TRAPPC13: variants seen among roughly 807,000 people sequenced by gnomAD.
The protein encoded by TRAPPC13 is REV7-interacting novel NHEJ regulator 1.
In TRAPPC13, 39 loss-of-function variants were observed where a neutral mutation model predicts 54.0. The ratio of observed to expected loss-of-function variants is 0.72; its 90% confidence interval spans 0.56 to 0.94. The LOEUF (loss-of-function observed/expected upper bound fraction) is 0.94. TRAPPC13 is among the 40% of genes least tolerant of loss of function. The probability of loss-of-function intolerance (pLI) is 0.00; values close to 1 mark genes in which losing one functional copy is unlikely to be tolerated. For missense variants in TRAPPC13, 386 were observed against 488.1 expected, an observed-to-expected ratio of 0.79 and a Z score of 1.97; for synonymous variants, 148 against 167.7, an observed-to-expected ratio of 0.88 and a Z score of 0.91.
At chr5:65,636,877 A>G (rs1755768241) in intron 3 of TRAPPC13, among the ~76,000 whole-genome samples, 1 of 152,236 alleles carries the variant, frequency 6.6e-6, no homozygotes, top group African/African-American at 2.4e-5. Context: ...GAATGTGGTC[A>G]TTGACTAGTG....
rs1203060590 is a variant in TRAPPC13, at chr5:65,666,032, G to A, written c.*1421G>A. The A allele has an allele frequency of 1.3e-5, 2 of 152,634 alleles. No individual in the cohort carries two copies. The highest frequency in any genetic ancestry group is 3.4e-3 in the Middle Eastern group (1 of 292). The allele number at this position is 152,634 out of a possible 1,614,324, so 9.5% of individuals were successfully genotyped here. ...ACCTCAAAATTGAGTAATAATTAAT[G>A]AAATGTCTGTACAAAATAAAGTGCA... is the stretch of plus-strand genomic sequence containing the variant. On this transcript the variant is annotated 3_prime_UTR_variant, in exon 13 of 13. Coordinates refer to ENST00000399438, the MANE Select transcript of TRAPPC13 (RefSeq NM_024941.4).
intron 4 of TRAPPC13, among the ~76,000 whole-genome samples, chr5:65,642,693 T>C (rs1756013977): frequency 6.6e-6 from 1 of 152,154 alleles, no homozygotes; most frequent in Admixed American, 6.5e-5. Flanking sequence ...TTTTAAGAGG[T>C]GAGGTTTCAC....
Position 65,664,768 on chromosome 5 carries a change from CTGA to C in TRAPPC13, c.*159_*161del. The C allele has an allele frequency of 1.6e-6, 1 of 619,426 alleles. No homozygotes were observed. Among genetic ancestry groups the C allele is most frequent in the Non-Finnish European group, 2.8e-6 (1 of 353,750 alleles). The allele number at this position is 619,426 out of a possible 1,614,324, so 38.4% of individuals were successfully genotyped here. On this transcript the variant is annotated 3_prime_UTR_variant, in exon 13 of 13. Transcript: ENST00000399438. Reference sequence around the variant, plus strand: ...TATTAAATATTTGTTTTGAAGAGATCTGATTTTATCTTGTAATTTATATTTGAA... The same window carrying C: ...TATTAAATATTTGTTTTGAAGAGATCTTTTATCTTGTAATTTATATTTGAA...
chr5:65,625,626 T>G (rs1294932813), intron 1 of TRAPPC13: 1 of 152,600 alleles, frequency 6.6e-6, no homozygotes, highest in African/African-American at 2.4e-5. Flanking sequence ...GTCCGAGATC[T>G]AATGTCAACT....
intron 4 of TRAPPC13, among the ~76,000 whole-genome samples, chr5:65,643,335 T>A (rs1756041506): frequency 1.3e-5 from 2 of 152,128 alleles, no homozygotes; most frequent in South Asian, 4.1e-4. Flanking sequence ...TGTTTTATTA[T>A]TGGCTGTAAA....
intron 1 of TRAPPC13, 97 bp downstream of exon 1, chr5:65,625,203 CAG>C: frequency 9.8e-7 from 1 of 1,020,976 alleles, no homozygotes; most frequent in South Asian, 1.3e-5. Context: ...CTTAAACACT[CAG>C]TGCTCGCCCT....
intron 1 of TRAPPC13, chr5:65,630,507 T>C (rs1755496192): frequency 7.5e-7 from 1 of 1,334,104 alleles, no homozygotes; most frequent in Non-Finnish European, 9.5e-7. Flanking sequence ...CAGCCTTCTT[T>C]TAAATGTGAT....
chr5:65,655,715 CTAAT>C (rs1235349920), intron 8 of TRAPPC13, 62 bp downstream of exon 8: 1 of 600,652 alleles, frequency 1.7e-6, no homozygotes, highest in Non-Finnish European at 2.5e-6. Flanking sequence ...TTGACTCTGC[CTAAT>C]TAATCTCTCT....
At position 65,625,506 on chromosome 5, in the gene TRAPPC13, C is replaced by A. The variant is rs146165388; in HGVS notation, c.46+400C>A. 3.3e-3 allele frequency: 701 copies of A among 209,340 alleles called. 4 individuals are homozygous for A. Among genetic ancestry groups the A allele is most frequent in the Non-Finnish European group, 5.0e-3 (519 of 103,834 alleles). 13.0% of individuals were successfully genotyped at this position (209,340 alleles called of 1,614,324 possible). ...AGCTTCCCCTGTAAAATTAGTATTG[C>A]ATGACAGTAGTGCAGAGAATTTAGC... On this transcript the variant is annotated intron_variant, in intron 1 of 12. Transcript: ENST00000399438.
intron 4 of TRAPPC13, among the ~76,000 whole-genome samples, chr5:65,638,064 A>G (rs1390259101): frequency 2.0e-5 from 3 of 150,518 alleles, no homozygotes; most frequent in Non-Finnish European, 4.4e-5. Flanking sequence ...TGAAGGTTGC[A>G]GTGAGCCAAG....
chr5:65,650,866 A>G lies in TRAPPC13; in HGVS notation c.485A>G (p.Lys162Arg). 6.2e-7 allele frequency: 1 copy of G among 1,612,426 alleles called. No individual in the cohort carries two copies. Among genetic ancestry groups the G allele is most frequent in the Non-Finnish European group, 8.5e-7 (1 of 1,178,792 alleles). ...GCTGGAGAAAAAATGTATTTCAGAAAATTCTTCAAATTTCAGGTATTGAAT... is the reference window on the plus strand; with the variant it reads ...GCTGGAGAAAAAATGTATTTCAGAAGATTCTTCAAATTTCAGGTATTGAAT... ...TQAGEKMYFRKFFKFQVLKPL... is the reference protein window; with the variant it reads ...TQAGEKMYFRRFFKFQVLKPL... Residue 162 changes from lysine to arginine, a missense_variant, in exon 6 of 13, where the codon AAA becomes AGA. Lys to Arg is a conservative substitution (Grantham distance 26). Coordinates refer to ENST00000399438, the MANE Select transcript of TRAPPC13 (RefSeq NM_024941.4).
intron 11 of TRAPPC13, chr5:65,662,505 T>A (rs975496085): frequency 1.3e-5 from 2 of 157,382 alleles, no homozygotes; most frequent in African/African-American, 4.8e-5. Flanking sequence ...GTACTTGAGC[T>A]GTATCTTGAG....
At chr5:65,644,608 G>T (rs760584036) in intron 4 of TRAPPC13, among the ~76,000 whole-genome samples, 1 of 152,180 alleles carries the variant, frequency 6.6e-6, no homozygotes, top group Non-Finnish European at 1.5e-5. Context: ...ATATCTGGGC[G>T]CAGTGGCTAA....
chr5:65,643,783 C>G (rs530845392), intron 4 of TRAPPC13, among the ~76,000 whole-genome samples: 1 of 145,328 alleles, frequency 6.9e-6, no homozygotes, highest in East Asian at 2.0e-4. Flanking sequence ...TGCCACTGCA[C>G]TCCAGCCTGG....
intron 9 of TRAPPC13, 41 bp from the exon 10 acceptor site, chr5:65,660,658 T>C (rs753076958): frequency 8.7e-6 from 13 of 1,495,596 alleles, no homozygotes; most frequent in Middle Eastern, 3.6e-4. Context: ...TTTTAAAAGA[T>C]GCTAGAGAAT....
Position 65,660,796 on chromosome 5 carries a change from G to A in TRAPPC13, c.796G>A (p.Gly266Ser). The change falls in exon 10 of 13, where the codon GGC becomes AGC. Residue 266 changes from glycine to serine, a missense_variant. Physicochemically the swap from Gly to Ser is moderately conservative, Grantham distance 56. Transcript: ENST00000399438. ...AAAGAATGAATTTGCAGAAAAAGCA[G>A]GCATCATTAAGGGAGTAACAGTAAT... ...KPKNEFAEKA[G>S]IIKGVTVIGK... 5 of 1,613,692 alleles carry A rather than the reference G, an allele frequency of 3.1e-6. No homozygotes were observed. The highest frequency in any genetic ancestry group is 4.2e-6 in the Non-Finnish European group (5 of 1,179,756).
chr5:65,627,935 G>T (rs1190918273), intron 1 of TRAPPC13, among the ~76,000 whole-genome samples: 1 of 152,156 alleles, frequency 6.6e-6, no homozygotes, highest in Non-Finnish European at 1.5e-5. Context: ...ATTGTGAAAT[G>T]ATGACAAGAA....
chr5:65,625,741 G>T (rs1165433918), intron 1 of TRAPPC13, among the ~76,000 whole-genome samples: 1 of 151,708 alleles, frequency 6.6e-6, no homozygotes, highest in Non-Finnish European at 1.5e-5. Flanking sequence ...TTTTTTTAAT[G>T]CCTATTTTCT....
intron 1 of TRAPPC13, chr5:65,626,255 A>T (rs1291423918): frequency 1.3e-5 from 2 of 152,212 alleles, no homozygotes; most frequent in African/African-American, 2.4e-5. Flanking sequence ...CTTTTCCAAG[A>T]TCACATAGCT....
Sources: gnomAD v4.1 joint callset for allele counts (sites outside exome capture counted in the v4.1 genomes callset) on GRCh38, gnomAD v4.1.1 for gene constraint, MANE v1.5 for transcripts, NCBI Gene and HGNC (gene_info 2026-07-23, HGNC 2026-07-21) for gene names.